Variants in C12orf42 observed in about 807,000 individuals in gnomAD.
C12orf42 encodes chromosome 12 open reading frame 42, also known as uncharacterized protein C12orf42.
In C12orf42, 25 loss-of-function variants were observed where a neutral mutation model predicts 21.6. The ratio of observed to expected loss-of-function variants is 1.16; its 90% CI spans 0.84 to 1.62. The LOEUF (loss-of-function observed/expected upper bound fraction) is 1.62. Ranked by LOEUF, C12orf42 falls within the 40% of genes most tolerant of loss-of-function variation. C12orf42 has a pLI of 0.00. For missense variants in C12orf42, 483 were observed against 459.3 expected, an observed-to-expected ratio of 1.05 and a Z score of -0.47; for synonymous variants, 174 against 175.0, an observed-to-expected ratio of 0.99 and a Z score of 0.05.
intron 10 of C12orf42, among the ~76,000 whole-genome samples, chr12:103,254,349 G>C (rs2034450854): frequency 6.6e-6 from 1 of 152,096 alleles, no homozygotes; most frequent in Non-Finnish European, 1.5e-5. Context: ...GAAAATCAAT[G>C]TTCATCAGGG....
intron 2 of C12orf42, among the ~76,000 whole-genome samples, chr12:103,463,361 A>T (rs1185991224): frequency 6.6e-6 from 1 of 152,260 alleles, no homozygotes; most frequent in Non-Finnish European, 1.5e-5. Flanking sequence ...TAAACAGACT[A>T]GAATGGAATC....
chr12:103,156,038 A>G, the C12orf42 span: 2 of 151,922 alleles, frequency 1.3e-5, no homozygotes, highest in South Asian at 2.1e-4. Context: ...ATAATTATCA[A>G]TAGCAATAAT....
At chr12:103,358,276 T>A (rs552410560) in intron 4 of C12orf42, among the ~76,000 whole-genome samples, 3 of 152,108 alleles carry the variant, frequency 2.0e-5, no homozygotes, top group Non-Finnish European at 4.4e-5. Context: ...AAGAGTGACA[T>A]TCAAGAGACC....
At chr12:103,494,872 G>C (rs993720426) in intron 1 of C12orf42, among the ~76,000 whole-genome samples, 2 of 152,208 alleles carry the variant, frequency 1.3e-5, no homozygotes, top group Non-Finnish European at 2.9e-5. Context: ...GTGAATGGGA[G>C]GGTTTCCCGG....
chr12:103,513,772 GAA>G, the C12orf42 span, among the ~76,000 whole-genome samples: 2 of 152,152 alleles, frequency 1.3e-5, no homozygotes, highest in Non-Finnish European at 2.9e-5. Flanking sequence ...CTGGACAAAT[GAA>G]TGTGCCAGGC....
At chr12:103,332,983 A>G (rs1232079063) in intron 4 of C12orf42, among the ~76,000 whole-genome samples, 1 of 152,212 alleles carries the variant, frequency 6.6e-6, no homozygotes, top group Non-Finnish European at 1.5e-5. Context: ...GCAGACAAAG[A>G]GAAGAATTTC....
chr12:103,461,297 T>C (rs1425176170), intron 2 of C12orf42, among the ~76,000 whole-genome samples: 1 of 152,202 alleles, frequency 6.6e-6, no homozygotes, highest in Non-Finnish European at 1.5e-5. Context: ...CCTCTTACTT[T>C]TGAAGATGAC....
intron 2 of C12orf42, among the ~76,000 whole-genome samples, chr12:103,459,868 A>T (rs1345448527): frequency 6.6e-6 from 1 of 152,158 alleles, no homozygotes; most frequent in Non-Finnish European, 1.5e-5. Flanking sequence ...AGCTTTACTC[A>T]TGGCTGAGCT....
chr12:103,385,029 T>A (rs2046489060), intron 3 of C12orf42, among the ~76,000 whole-genome samples: 1 of 152,166 alleles, frequency 6.6e-6, no homozygotes, highest in Non-Finnish European at 1.5e-5. Context: ...CAGGTAAAAA[T>A]GCTCGTCAAG....
intron 4 of C12orf42, among the ~76,000 whole-genome samples, chr12:103,342,657 A>C (rs1395725879): frequency 5.3e-4 from 52 of 98,180 alleles, no homozygotes; most frequent in Admixed American, 9.6e-4. Flanking sequence ...TCATTTCCCC[A>C]CCCCCCGCCC....
chr12:103,219,110 G>T, the C12orf42 span, among the ~76,000 whole-genome samples: 1 of 152,164 alleles, frequency 6.6e-6, no homozygotes, highest in East Asian at 1.9e-4. Flanking sequence ...GGAGCCAAGT[G>T]GTCTAGGTCA....
At chr12:103,452,487 A>G (rs1455704510) in intron 2 of C12orf42, among the ~76,000 whole-genome samples, 1 of 152,190 alleles carries the variant, frequency 6.6e-6, no homozygotes. Flanking sequence ...GGAAGGAATG[A>G]ACAATTAGAA....
the C12orf42 span, among the ~76,000 whole-genome samples, chr12:103,180,925 G>A: frequency 6.6e-6 from 1 of 151,880 alleles, no homozygotes; most frequent in African/African-American, 2.4e-5. Context: ...ACCGTGCCCA[G>A]CCCACTAATT....
At chr12:103,072,698 T>C in the C12orf42 span, among the ~76,000 whole-genome samples, 2 of 152,158 alleles carry the variant, frequency 1.3e-5, no homozygotes, top group African/African-American at 4.8e-5. Flanking sequence ...TTTTCCACCA[T>C]GGTTGAACAA....
chr12:103,523,749 G>A, the C12orf42 span, among the ~76,000 whole-genome samples: 2 of 150,784 alleles, frequency 1.3e-5, no homozygotes, highest in African/African-American at 4.9e-5. Context: ...GGAATATGAG[G>A]ATCACTTTCA....
chr12:103,142,101 T>C, the C12orf42 span, among the ~76,000 whole-genome samples: 14 of 152,210 alleles, frequency 9.2e-5, no homozygotes, highest in African/African-American at 4.8e-5. Context: ...TCTCCAGATA[T>C]GTAACTCAAT....
the C12orf42 span, among the ~76,000 whole-genome samples, chr12:103,072,040 A>G: frequency 6.6e-6 from 1 of 152,170 alleles, no homozygotes; most frequent in South Asian, 2.1e-4. Flanking sequence ...TAGAGCTCCC[A>G]AAAATGAGAG....
At chr12:103,278,779 T>C (rs1005318663) in intron 4 of C12orf42, among the ~76,000 whole-genome samples, 2 of 152,252 alleles carry the variant, frequency 1.3e-5, no homozygotes, top group Non-Finnish European at 2.9e-5. Flanking sequence ...AAGAATCTAA[T>C]AGCGATTCCT....
chr12:103,104,684 C>T, the C12orf42 span, among the ~76,000 whole-genome samples: 1 of 152,222 alleles, frequency 6.6e-6, no homozygotes, highest in Non-Finnish European at 1.5e-5. Context: ...CATGATCCAC[C>T]TGCCTCCCAA....
Sources: allele counts gnomAD v4.1 joint callset (sites outside exome capture counted in the v4.1 genomes callset), GRCh38; gene constraint gnomAD v4.1.1; transcripts MANE v1.5; gene names NCBI Gene and HGNC (gene_info 2026-07-23, HGNC 2026-07-21).